The following NCOA1 variants were observed in gnomAD, a reference collection of about 807,000 sequenced individuals.
NCOA1 encodes the protein Hin-2 protein.
NCOA1 carries 35 observed loss-of-function variants against 150.9 expected under a neutral mutation model. That is an observed-to-expected ratio of 0.23 (90% CI 0.18 to 0.31). The LOEUF (loss-of-function observed/expected upper bound fraction) is 0.31, where lower values mean the gene tolerates loss of function less well. Ranked by LOEUF, NCOA1 falls within the 10% of genes least tolerant of loss-of-function variation. NCOA1 has a pLI of 1.00. For missense variants in NCOA1, 1,491 were observed against 1,749.3 expected, an observed-to-expected ratio of 0.85 and a Z score of 2.63; for synonymous variants, 590 against 630.0, an observed-to-expected ratio of 0.94 and a Z score of 0.95.
rs70947837 is a variant in NCOA1 at position 24,690,651 on chromosome 2, CAAAAAAAAAAAA to C, written c.533-814_533-803del. The stretch of plus-strand genomic sequence containing the variant: ...TGGGTGACAAAGTGAGATTCCATCT[CAAAAAAAAAAAA>C]AAAAAAAAAAAAAAAGGCAGTGTTA... On this transcript the variant is annotated intron_variant, in intron 8 of 22. Coordinates refer to ENST00000348332, the MANE Select transcript of NCOA1 (RefSeq NM_003743.5). Among the ~76,000 whole-genome samples, 29 of 38,444 alleles carry C rather than the reference CAAAAAAAAAAAA, an allele frequency of 7.5e-4. No individual in the cohort carries two copies. The East Asian group carries it at 0.012, about 16-fold the overall frequency. 25.2% of individuals were successfully genotyped at this position (38,444 alleles called of 152,430 possible).
chr2:24,583,713 A>G (rs538836105), intron 2 of NCOA1, among the ~76,000 whole-genome samples: 3 of 152,306 alleles, frequency 2.0e-5, no homozygotes, highest in African/African-American at 7.2e-5. Flanking sequence ...ATTCAGCCAT[A>G]AAGAAGAATG....
rs990808403 is a variant in NCOA1 at position 24,526,778 on chromosome 2, TA to T, written c.-396+35177del. On this transcript the variant is annotated intron_variant, in intron 1 of 22. Coordinates refer to ENST00000348332, the MANE Select transcript of NCOA1 (RefSeq NM_003743.5). ...AGGTGTACAACATGATGTTATGAGA[TA>T]CATGTAATGTTGGCCCTCTATATCT... 2.6e-5 allele frequency among the ~76,000 whole-genome samples: 4 copies of T among 152,262 alleles called. No homozygotes were observed. The East Asian group carries it at 7.7e-4, about 29-fold the overall frequency.
Position 24,672,891 on chromosome 2 carries a change from C to T in NCOA1, c.257-475C>T, listed in dbSNP as rs182819480. Among the ~76,000 whole-genome samples, 682 of 152,282 alleles carry T rather than the reference C, an allele frequency of 4.5e-3. 3 individuals are homozygous for T. The highest frequency in any genetic ancestry group is 0.015 in the African/African-American group (639 of 41,558). The stretch of plus-strand genomic sequence containing the variant: ...ACTTAGCAGTTTCAGTTTTATCAAT[C>T]AGAGCATCATGGCACGAATGTGAAA... On this transcript the variant is annotated intron_variant, in intron 6 of 22. Transcript: ENST00000348332.
chr2:24,644,130 T>C lies in NCOA1; in HGVS notation c.-18+8T>C, dbSNP rs183136330. 6 of 152,298 alleles carry C rather than the reference T, an allele frequency of 3.9e-5. No individual in the cohort carries two copies. Among genetic ancestry groups the C allele is most frequent in the Non-Finnish European group, 7.4e-5 (5 of 68,016 alleles). 9.4% of individuals were successfully genotyped at this position (152,298 alleles called of 1,614,324 possible). On this transcript the variant is annotated splice_region_variant and intron_variant, in intron 4 of 22. Transcript: ENST00000348332. Reference sequence around the variant, plus strand: ...AACAAAGAAGTCTCCCAGGTAGGAATTGTAGTTCTATTTTTAAAGAGCTTT... The same window carrying C: ...AACAAAGAAGTCTCCCAGGTAGGAACTGTAGTTCTATTTTTAAAGAGCTTT...
At chr2:24,512,942 T>G (rs975096510) in intron 1 of NCOA1, among the ~76,000 whole-genome samples, 36 of 152,326 alleles carry the variant, frequency 2.4e-4, no homozygotes, top group Non-Finnish European at 5.1e-4. Context: ...ATTGGATGAT[T>G]AAATGAAATG....
intron 11 of NCOA1, among the ~76,000 whole-genome samples, chr2:24,701,318 A>C (rs1368858553): frequency 6.6e-6 from 1 of 152,078 alleles, no homozygotes; most frequent in Non-Finnish European, 1.5e-5. Context: ...AGCTTGGGCA[A>C]CATGGCGAAA....
At chr2:24,643,576 TAGG>T (rs1670330377) in intron 3 of NCOA1, among the ~76,000 whole-genome samples, 1 of 152,170 alleles carries the variant, frequency 6.6e-6, no homozygotes, top group Non-Finnish European at 1.5e-5. Context: ...CAAAATATTA[TAGG>T]AGTATTACAT....
intron 19 of NCOA1, among the ~76,000 whole-genome samples, chr2:24,749,734 A>G (rs1664122764): frequency 6.6e-6 from 1 of 152,200 alleles, no homozygotes; most frequent in Admixed American, 6.5e-5. Flanking sequence ...AAAAAATCCA[A>G]CACCTAATAA....
At chr2:24,613,705 G>A in intron 3 of NCOA1, among the ~76,000 whole-genome samples, 1 of 152,058 alleles carries the variant, frequency 6.6e-6, no homozygotes, top group East Asian at 1.9e-4. Context: ...CATGCAAATG[G>A]GTCCTCTGAC....
intron 2 of NCOA1, among the ~76,000 whole-genome samples, chr2:24,583,220 T>A (rs1558812167): frequency 6.6e-6 from 1 of 152,032 alleles, no homozygotes; most frequent in Non-Finnish European, 1.5e-5. Context: ...AAAAAGCCAA[T>A]AATTCAGTTA....
At chr2:24,544,842 G>A (rs1386925345) in intron 1 of NCOA1, among the ~76,000 whole-genome samples, 1 of 152,158 alleles carries the variant, frequency 6.6e-6, no homozygotes, top group Non-Finnish European at 1.5e-5. Flanking sequence ...CATTGCACAT[G>A]TATATTGGGA....
chr2:24,741,528 G>A lies in NCOA1; in HGVS notation c.3304-256G>A, dbSNP rs1005809733. On this transcript the variant is annotated intron_variant, in intron 18 of 22. Transcript: ENST00000348332. ...GTGTGACTTTTCATTGAGAATTTGCGTTCTCATTTATAATGGTCAGATATT... is the reference window on the plus strand; with the variant it reads ...GTGTGACTTTTCATTGAGAATTTGCATTCTCATTTATAATGGTCAGATATT... Among the ~76,000 whole-genome samples, 11 of 152,078 alleles carry A rather than the reference G, an allele frequency of 7.2e-5. 1 individual carries two copies. The highest frequency in any genetic ancestry group is 2.6e-4 in the Admixed American group (4 of 15,288).
intron 3 of NCOA1, among the ~76,000 whole-genome samples, chr2:24,592,117 T>G (rs1354278730): frequency 2.0e-5 from 3 of 152,196 alleles, no homozygotes; most frequent in East Asian, 3.8e-4. Flanking sequence ...ATTTAATAAC[T>G]GAAAACGTCG....
chr2:24,617,036 A>G (rs530148419), intron 3 of NCOA1, among the ~76,000 whole-genome samples: 9 of 152,274 alleles, frequency 5.9e-5, no homozygotes, highest in African/African-American at 2.2e-4. Context: ...AGTTTTAGAC[A>G]CCACCCCTCA....
At chr2:24,749,984 T>C (rs1192444979) in intron 19 of NCOA1, among the ~76,000 whole-genome samples, 1 of 151,820 alleles carries the variant, frequency 6.6e-6, no homozygotes. Context: ...AAGATATAAA[T>C]AAAACCCAAG....
chr2:24,661,454 C>G (rs1352564129), intron 5 of NCOA1, among the ~76,000 whole-genome samples: 1 of 152,120 alleles, frequency 6.6e-6, no homozygotes, highest in Non-Finnish European at 1.5e-5. Flanking sequence ...TTCTCCCAAC[C>G]TGTTGGTTAA....
intron 5 of NCOA1, among the ~76,000 whole-genome samples, chr2:24,664,584 T>C (rs1423720059): frequency 6.6e-6 from 1 of 152,010 alleles, no homozygotes. Context: ...GGCGTGCGCC[T>C]GTAGTCCCAG....
intron 14 of NCOA1, among the ~76,000 whole-genome samples, chr2:24,722,140 A>C (rs925510251): frequency 6.6e-6 from 1 of 152,198 alleles, no homozygotes; most frequent in Non-Finnish European, 1.5e-5. Flanking sequence ...AACTTCCCCA[A>C]AGTAGTATTT....
intron 1 of NCOA1, among the ~76,000 whole-genome samples, chr2:24,558,680 C>T (rs1331426812): frequency 6.6e-6 from 1 of 152,152 alleles, no homozygotes; most frequent in Non-Finnish European, 1.5e-5. Context: ...ACCGAAGCAT[C>T]AGGTTTTTGT....
Sources: allele counts gnomAD v4.1 joint callset (sites outside exome capture counted in the v4.1 genomes callset), GRCh38; gene constraint gnomAD v4.1.1; transcripts MANE v1.5; gene names NCBI Gene and HGNC (gene_info 2026-07-23, HGNC 2026-07-21).